The following SIRPA variants were observed in gnomAD, a reference collection of about 807,000 sequenced individuals.
SIRPA encodes the protein signal regulatory protein alpha, also known as tyrosine-protein phosphatase non-receptor type substrate 1.
A neutral mutation model predicts 50.3 loss-of-function variants in SIRPA; 9 were observed. The ratio of observed to expected loss-of-function variants is 0.18; its 90% CI spans 0.11 to 0.31. The LOEUF is 0.31. Ranked by LOEUF, SIRPA falls within the 10% of genes least tolerant of loss-of-function variation. The pLI, the probability that SIRPA is intolerant of heterozygous loss-of-function variation, is 1.00. For missense variants in SIRPA, 474 were observed against 661.6 expected, an observed-to-expected ratio of 0.72 and a Z score of 3.11; for synonymous variants, 265 against 284.1, an observed-to-expected ratio of 0.93 and a Z score of 0.68.
chr20:1,904,497 A>G (rs6111917), intron 1 of SIRPA, among the ~76,000 whole-genome samples: 32,554 of 151,998 alleles, frequency 0.21, 4,014 homozygotes, highest in African/African-American at 0.34. Context: ...CCCTGTGACC[A>G]TGGCCAAATG....
intron 1 of SIRPA, among the ~76,000 whole-genome samples, chr20:1,910,739 G>T (rs1984840908): frequency 6.6e-6 from 1 of 152,096 alleles, no homozygotes; most frequent in Non-Finnish European, 1.5e-5. Flanking sequence ...ATCCAATTTA[G>T]AGAAGCTGAA....
chr20:1,908,072 T>C (rs1447033473), intron 1 of SIRPA, among the ~76,000 whole-genome samples: 1 of 152,140 alleles, frequency 6.6e-6, no homozygotes, highest in Non-Finnish European at 1.5e-5. Context: ...GGCACGACCC[T>C]AGACAGATAC....
intron 1 of SIRPA, among the ~76,000 whole-genome samples, chr20:1,909,753 G>C (rs952815304): frequency 1.3e-5 from 2 of 152,206 alleles, no homozygotes; most frequent in Non-Finnish European, 1.5e-5. Context: ...TTGCACTCCA[G>C]CCTGGGTGAT....
At chr20:1,914,489 A>G (rs112421689) in intron 1 of SIRPA, among the ~76,000 whole-genome samples, 61,080 of 150,540 alleles carry the variant, frequency 0.41, 12,704 homozygotes, top group East Asian at 0.66. Context: ...CATTTGTGTG[A>G]CACTTTGCTA....
In SIRPA at chr20:1,937,270, G is replaced by C. The variant is rs759686867; in HGVS notation, c.1267-50G>C. 85 of 1,583,720 alleles carry C rather than the reference G, an allele frequency of 5.4e-5. No individual in the cohort carries two copies. The Admixed American group carries it at 1.4e-3, about 27-fold the overall frequency. ...TTCAGTTTGAGTGAGTGGGCCAGGG[G>C]CTATAGAATGACCTTCTCATGACTT... On this transcript the variant is annotated intron_variant, in intron 7 of 7. Transcript: ENST00000358771. The surrounding 1 kb of genome is among the most constrained non-coding windows in gnomAD (Gnocchi z 8.3).
At chr20:1,912,842 T>C (rs1051747012) in intron 1 of SIRPA, among the ~76,000 whole-genome samples, 5 of 152,356 alleles carry the variant, frequency 3.3e-5, no homozygotes, top group Admixed American at 6.5e-5. Context: ...GCCTTTCCAG[T>C]TGGTCCAGTC....
rs1355575061 is a variant in SIRPA, at chr20:1,924,107, T to C, written c.1088-657T>C. On this transcript the variant is annotated intron_variant, in intron 4 of 7. Transcript: ENST00000358771. This position sits in a 1 kb window ranked among gnomAD's most constrained non-coding sequence, Gnocchi z 4.5. ...AGCAGCCAGGGTTTGGAGGGAGGCTTAACTGACTTGTCCAGGGTCACACAG... is the reference window on the plus strand; with the variant it reads ...AGCAGCCAGGGTTTGGAGGGAGGCTCAACTGACTTGTCCAGGGTCACACAG... 6.6e-6 allele frequency among the ~76,000 whole-genome samples: 1 copy of C among 152,136 alleles called. No individual in the cohort carries two copies. The highest frequency in any genetic ancestry group is 1.5e-5 in the Non-Finnish European group (1 of 68,032).
upstream of SIRPA, chr20:1,895,370 C>T (rs1432949192): frequency 7.0e-6 from 6 of 851,768 alleles, no homozygotes; most frequent in Non-Finnish European, 8.2e-6. Flanking sequence ...GAGCCTTAGT[C>T]ATTTCCCCGC....
chr20:1,922,462 G>A lies in SIRPA; in HGVS notation c.904G>A (p.Val302Ile), dbSNP rs2422666. Residue 302 changes from valine to isoleucine, a missense_variant, in exon 4 of 8, where the codon GTT (valine) becomes ATT (isoleucine). This residue lies in a region of SIRPA where 221 missense variants were observed against 359.9 expected (regional missense o/e 0.61). Coordinates refer to ENST00000358771, the MANE Select transcript of SIRPA (RefSeq NM_001040023.2). The part of the protein sequence containing the change: ...NVSRTETAST[V>I]TENKDGTYNW... The stretch of plus-strand genomic sequence containing the variant: ...GTCCCGGACAGAAACGGCCTCAACC[G>A]TTACAGAGAACAAGGATGGTACCTA... 35 of 1,614,126 alleles carry A rather than the reference G, an allele frequency of 2.2e-5. No homozygotes were observed. Among genetic ancestry groups the A allele is most frequent in the South Asian group, 1.9e-4 (17 of 91,092 alleles).
chr20:1,930,603 T>A (rs1019247290), intron 6 of SIRPA, among the ~76,000 whole-genome samples: 1 of 152,206 alleles, frequency 6.6e-6, no homozygotes, highest in Non-Finnish European at 1.5e-5. Context: ...TTATTTTTTA[T>A]TTTTGAGACG....
rs1202884711 is a variant in SIRPA at position 1,937,771 on chromosome 20, C to T, written c.*203C>T. 19 of 651,316 alleles carry T rather than the reference C, an allele frequency of 2.9e-5. No individual in the cohort carries two copies. The highest frequency in any genetic ancestry group is 7.7e-6 in the Non-Finnish European group (3 of 388,714). The allele number at this position is 651,316 out of a possible 1,614,324, so 40.3% of individuals were successfully genotyped here. Reference sequence around the variant, plus strand: ...GGGCAGCCACGGCCCCCTCCCCCCACATTGCCACATACCTGGAGGCTGACG... The same window carrying T: ...GGGCAGCCACGGCCCCCTCCCCCCATATTGCCACATACCTGGAGGCTGACG... On this transcript the variant is annotated 3_prime_UTR_variant, in exon 8 of 8. Coordinates refer to ENST00000358771, the MANE Select transcript of SIRPA (RefSeq NM_001040023.2). This position sits in a 1 kb window ranked among gnomAD's most constrained non-coding sequence, Gnocchi z 8.3.
intron 1 of SIRPA, among the ~76,000 whole-genome samples, chr20:1,901,853 G>C (rs1446581893): frequency 6.6e-6 from 1 of 152,186 alleles, no homozygotes; most frequent in East Asian, 1.9e-4. Context: ...AGGGAAATTG[G>C]AAGCCGGGAG....
chr20:1,923,013 TC>T (rs933353416), intron 4 of SIRPA, among the ~76,000 whole-genome samples: 1 of 79,672 alleles, frequency 1.3e-5, no homozygotes, highest in African/African-American at 4.8e-5. Flanking sequence ...CTGCCTCATC[TC>T]CCTGGCTGCC....
chr20:1,920,457 A>T lies in SIRPA; in HGVS notation c.437-938A>T, dbSNP rs112309731. Among the ~76,000 whole-genome samples, 46 of 152,298 alleles carry T rather than the reference A, an allele frequency of 3.0e-4. No homozygotes were observed. The Middle Eastern group carries it at 0.014, about 45-fold the overall frequency. ...ACGTTTACGACCCATCTGCAGGGAG[A>T]AACAGCCCGCGTTCTGATTCAGCCA... On this transcript the variant is annotated intron_variant, in intron 2 of 7. Transcript: ENST00000358771.
At chr20:1,930,882 G>A (rs982478019) in intron 6 of SIRPA, among the ~76,000 whole-genome samples, 42 of 152,284 alleles carry the variant, frequency 2.8e-4, no homozygotes, top group African/African-American at 9.4e-4. Flanking sequence ...AAGCCACTGC[G>A]CCCGGCCCTG....
Position 1,936,769 on chromosome 20 carries a change from C to T in SIRPA, c.1267-551C>T, listed in dbSNP as rs866848953. On this transcript the variant is annotated intron_variant, in intron 7 of 7. Coordinates refer to ENST00000358771, the MANE Select transcript of SIRPA (RefSeq NM_001040023.2). The surrounding 1 kb of genome is among the most constrained non-coding windows in gnomAD (Gnocchi z 4.2). ...TGAATGTCCCCACACGTACCACCAT[C>T]AGCAGCACCTCCTCAGGCCCCCAAA... 6.6e-6 allele frequency among the ~76,000 whole-genome samples: 1 copy of T among 152,210 alleles called. No homozygotes were observed. Among genetic ancestry groups the T allele is most frequent in the Non-Finnish European group, 1.5e-5 (1 of 68,034 alleles).
chr20:1,918,124 G>A (rs1458270535), intron 2 of SIRPA, among the ~76,000 whole-genome samples: 1 of 152,148 alleles, frequency 6.6e-6, no homozygotes, highest in Non-Finnish European at 1.5e-5. Context: ...GAGTGGAAAG[G>A]ATTTGAGTTC....
rs1229066866 is a variant in SIRPA at position 1,936,978 on chromosome 20, C to A, written c.1267-342C>A. Reference sequence around the variant, plus strand: ...GTTACAAGGAGAAGCAGGACAGACACCCTCGAGGGATGAACATGAGAAATG... The same window carrying A: ...GTTACAAGGAGAAGCAGGACAGACAACCTCGAGGGATGAACATGAGAAATG... On this transcript the variant is annotated intron_variant, in intron 7 of 7. Coordinates refer to ENST00000358771, the MANE Select transcript of SIRPA (RefSeq NM_001040023.2). This position sits in a 1 kb window ranked among gnomAD's most constrained non-coding sequence, Gnocchi z 4.2. Among the ~76,000 whole-genome samples the A allele has an allele frequency of 6.6e-6, 1 of 152,202 alleles. No individual in the cohort carries two copies. Among genetic ancestry groups the A allele is most frequent in the Non-Finnish European group, 1.5e-5 (1 of 68,016 alleles).
At chr20:1,896,857 G>A (rs544695860) in intron 1 of SIRPA, among the ~76,000 whole-genome samples, 7 of 136,944 alleles carry the variant, frequency 5.1e-5, no homozygotes, top group African/African-American at 1.7e-4. Flanking sequence ...TACAGTTCAC[G>A]TCTCTCCAGT....
Sources: allele counts gnomAD v4.1 joint callset (sites outside exome capture counted in the v4.1 genomes callset), GRCh38; gene constraint gnomAD v4.1.1; regional missense constraint gnomAD v4.1.1; non-coding constraint Gnocchi (gnomAD v3.1); transcripts MANE v1.5; gene names NCBI Gene and HGNC (gene_info 2026-07-23, HGNC 2026-07-21).